FER: variants seen among roughly 807,000 people sequenced by gnomAD.
FER encodes tyrosine-protein kinase Fer.
In FER, 63 loss-of-function variants were observed where a neutral mutation model predicts 111.0. The ratio of observed to expected loss-of-function variants is 0.57; its 90% confidence interval spans 0.46 to 0.70. The LOEUF is 0.70. Ranked by LOEUF, FER falls within the 30% of genes least tolerant of loss-of-function variation. The pLI is 0.00. For synonymous variants in FER, 327 were observed against 313.9 expected (o/e 1.04, Z -0.44); for missense variants, 914 against 954.0 (o/e 0.96, Z 0.55).
chr5:109,167,784 A>AG lies in FER; in HGVS notation c.2049-12958dup, dbSNP rs1391244516. Reference sequence around the variant, plus strand: ...ACCCTATCTGAATGGGAGTGGTCTGAGGGGGAGGTACTTGTGGACTAGGAT... The same window carrying AG: ...ACCCTATCTGAATGGGAGTGGTCTGAGGGGGGAGGTACTTGTGGACTAGGAT... On this transcript the variant is annotated intron_variant, in intron 17 of 19. Coordinates refer to ENST00000281092, the MANE Select transcript of FER (RefSeq NM_005246.4). Among the ~76,000 whole-genome samples, 8 of 152,242 alleles carry AG rather than the reference A, an allele frequency of 5.3e-5. No individual in the cohort carries two copies. The South Asian group carries it at 1.5e-3, about 28-fold the overall frequency.
At chr5:109,034,263 C>A (rs1481979578) in intron 13 of FER, among the ~76,000 whole-genome samples, 1 of 152,108 alleles carries the variant, frequency 6.6e-6, no homozygotes, top group Non-Finnish European at 1.5e-5. Context: ...TATCTAAGGA[C>A]ACTGAAATTC....
intron 16 of FER, among the ~76,000 whole-genome samples, chr5:109,082,105 T>C (rs570768823): frequency 1.5e-4 from 23 of 152,184 alleles, no homozygotes; most frequent in Non-Finnish European, 2.8e-4. Context: ...CTTTGGCACT[T>C]TGCCTGAAAT....
At chr5:109,075,101 T>A (rs1364026242) in intron 16 of FER, among the ~76,000 whole-genome samples, 1 of 152,232 alleles carries the variant, frequency 6.6e-6, no homozygotes, top group Non-Finnish European at 1.5e-5. Context: ...GTGTCCCTTC[T>A]GTACACTTCC....
intron 1 of FER, among the ~76,000 whole-genome samples, chr5:108,762,265 C>T (rs1490939475): frequency 6.6e-6 from 1 of 152,164 alleles, no homozygotes; most frequent in Non-Finnish European, 1.5e-5. Flanking sequence ...ATGGCAGCTC[C>T]ATCTTTGTTT....
intron 2 of FER, among the ~76,000 whole-genome samples, chr5:108,780,850 G>GTT (rs75740995): frequency 0.014 from 2,101 of 145,230 alleles, 56 homozygotes; most frequent in African/African-American, 0.05. Context: ...TTGCTTTGTA[G>GTT]TTTTTTTTTT....
chr5:108,781,379 A>G (rs768020735), intron 2 of FER, among the ~76,000 whole-genome samples: 3 of 152,142 alleles, frequency 2.0e-5, no homozygotes, highest in East Asian at 3.9e-4. Context: ...TTTAGTAGAG[A>G]TGGCATTTCA....
chr5:109,096,148 AC>A (rs1253089008), intron 16 of FER, among the ~76,000 whole-genome samples: 6 of 152,048 alleles, frequency 3.9e-5, no homozygotes, highest in Non-Finnish European at 7.4e-5. Flanking sequence ...TACTGAAAGA[AC>A]AGGTGAGATC....
At chr5:109,126,132 T>G (rs1269441836) in intron 17 of FER, among the ~76,000 whole-genome samples, 2 of 152,214 alleles carry the variant, frequency 1.3e-5, no homozygotes, top group Non-Finnish European at 2.9e-5. Context: ...TTGGAAATAA[T>G]TGTAGTTCTT....
chr5:108,829,713 T>C (rs1759838012), intron 3 of FER, among the ~76,000 whole-genome samples: 1 of 152,052 alleles, frequency 6.6e-6, no homozygotes, highest in African/African-American at 2.4e-5. Flanking sequence ...TCCTTCCTTT[T>C]TTTCTTTCTT....
intron 17 of FER, among the ~76,000 whole-genome samples, chr5:109,121,001 C>G (rs568968795): frequency 3.9e-5 from 6 of 152,096 alleles, no homozygotes; most frequent in African/African-American, 1.4e-4. Context: ...TTGGTGGAGT[C>G]TTTAGGTATT....
chr5:108,800,348 G>T (rs370377590), intron 3 of FER, among the ~76,000 whole-genome samples: 1 of 151,956 alleles, frequency 6.6e-6, no homozygotes. Context: ...GAGTATGTCA[G>T]CCTTTCCTCT....
At chr5:109,139,490 G>A (rs1017247931) in intron 17 of FER, among the ~76,000 whole-genome samples, 5 of 151,352 alleles carry the variant, frequency 3.3e-5, no homozygotes, top group Non-Finnish European at 2.9e-5. Flanking sequence ...ATAACCTAGG[G>A]ACATTGCTAA....
intron 12 of FER, among the ~76,000 whole-genome samples, chr5:108,957,510 T>C (rs1758581904): frequency 6.6e-6 from 1 of 151,796 alleles, no homozygotes; most frequent in Non-Finnish European, 1.5e-5. Flanking sequence ...GATGGGAATG[T>C]AAATTAGTAA....
intron 16 of FER, chr5:109,051,492 C>T (rs1379935855): frequency 2.5e-5 from 40 of 1,612,038 alleles, no homozygotes; most frequent in Non-Finnish European, 3.1e-5. Context: ...TGGTGCTTCC[C>T]GCCTGCCCCA....
chr5:109,081,937 C>T (rs1248065175), intron 16 of FER, among the ~76,000 whole-genome samples: 1 of 151,898 alleles, frequency 6.6e-6, no homozygotes, highest in Non-Finnish European at 1.5e-5. Flanking sequence ...TCTCTGGATC[C>T]CTCTCCTACC....
intron 16 of FER, among the ~76,000 whole-genome samples, chr5:109,053,608 C>G (rs72790590): frequency 0.094 from 14,268 of 151,468 alleles, 803 homozygotes; most frequent in Middle Eastern, 0.17. Context: ...ACTTTTTTTT[C>G]CACTAAGTAT....
chr5:108,918,095 T>A (rs1752497889), intron 10 of FER, among the ~76,000 whole-genome samples: 1 of 152,192 alleles, frequency 6.6e-6, no homozygotes, highest in African/African-American at 2.4e-5. Context: ...GTATAGTTAC[T>A]ACCCTAGAGC....
rs563102914 is a variant in FER, at chr5:108,954,620, A to G, written c.1330-109A>G. ...TTATTGTATAACTTTTAATTGGTCA[A>G]TTAAAGGGAGGAACATTTGTAAGAA... On this transcript the variant is annotated intron_variant, in intron 11 of 19. Coordinates refer to ENST00000281092, the MANE Select transcript of FER (RefSeq NM_005246.4). The G allele has an allele frequency of 7.5e-5, 64 of 847,996 alleles. No individual in the cohort carries two copies. In the African/African-American group the frequency reaches 9.9e-4, roughly 13 times the overall value. The allele number at this position is 847,996 out of a possible 1,614,324, so 52.5% of individuals were successfully genotyped here.
At chr5:109,077,074 T>G (rs959260359) in intron 16 of FER, among the ~76,000 whole-genome samples, 8 of 152,338 alleles carry the variant, frequency 5.3e-5, no homozygotes, top group African/African-American at 1.9e-4. Context: ...TCAGCTACCT[T>G]GACTGCCTTT....
Sources: allele counts gnomAD v4.1 joint callset (sites outside exome capture counted in the v4.1 genomes callset), GRCh38; gene constraint gnomAD v4.1.1; transcripts MANE v1.5; gene names NCBI Gene and HGNC (gene_info 2026-07-23, HGNC 2026-07-21).